SPMAP2L: variants seen among roughly 807,000 people sequenced by gnomAD.
The protein encoded by SPMAP2L is sperm microtubule associated protein 2 like.
the SPMAP2L span, among the ~76,000 whole-genome samples, chr4:56,614,928 C>A: frequency 0.023 from 3,493 of 152,224 alleles, 69 homozygotes; most frequent in East Asian, 0.085. Flanking sequence ...CCTTATCAGG[C>A]ATTTACACCT....
chr4:56,603,380 G>T, the SPMAP2L span: 1 of 1,246,966 alleles, frequency 8.0e-7, no homozygotes, highest in South Asian at 1.6e-5. Context: ...CATATTAGAT[G>T]ACTTAGTTCC....
the SPMAP2L span, among the ~76,000 whole-genome samples, chr4:56,601,831 A>G: frequency 4.5e-4 from 68 of 152,310 alleles, no homozygotes; most frequent in African/African-American, 1.6e-3. Context: ...GTATGGAATT[A>G]TTTATCTAAC....
chr4:56,623,901 G>A, the SPMAP2L span, among the ~76,000 whole-genome samples: 3 of 152,182 alleles, frequency 2.0e-5, no homozygotes, highest in Admixed American at 2.0e-4. Context: ...CCAGTAGAGT[G>A]GGGCACTGCT....
At chr4:56,544,809 AC>A in the SPMAP2L span, among the ~76,000 whole-genome samples, 1 of 152,126 alleles carries the variant, frequency 6.6e-6, no homozygotes, top group Non-Finnish European at 1.5e-5. Flanking sequence ...GCAGTTCCAG[AC>A]CCGCTTGTGG....
At chr4:56,594,314 A>T in the SPMAP2L span, 2 of 1,527,514 alleles carry the variant, frequency 1.3e-6, no homozygotes, top group Non-Finnish European at 1.8e-6. Flanking sequence ...TCACAGCATG[A>T]TTCCACTGGG....
At chr4:56,545,190 T>C in the SPMAP2L span, among the ~76,000 whole-genome samples, 1 of 152,224 alleles carries the variant, frequency 6.6e-6, no homozygotes, top group Non-Finnish European at 1.5e-5. Context: ...GGTGTCTTTC[T>C]TTCCCTGGTA....
chr4:56,530,691 G>C, the SPMAP2L span: 1 of 1,534,862 alleles, frequency 6.5e-7, no homozygotes, highest in East Asian at 2.4e-5. Flanking sequence ...AGAACCAAGA[G>C]TTTCTAAGTT....
At chr4:56,582,142 T>C in the SPMAP2L span, among the ~76,000 whole-genome samples, 1 of 152,158 alleles carries the variant, frequency 6.6e-6, no homozygotes, top group African/African-American at 2.4e-5. Flanking sequence ...TGGTGTCATA[T>C]CTTAGCTATG....
the SPMAP2L span, among the ~76,000 whole-genome samples, chr4:56,582,107 G>T: frequency 6.6e-6 from 1 of 152,060 alleles, no homozygotes; most frequent in Non-Finnish European, 1.5e-5. Flanking sequence ...CTTGAGATAG[G>T]CAATGGTTTC....
chr4:56,576,976 C>T, the SPMAP2L span, among the ~76,000 whole-genome samples: 1 of 152,138 alleles, frequency 6.6e-6, no homozygotes, highest in Non-Finnish European at 1.5e-5. Context: ...TTGGCTTAAG[C>T]TCTTTATTAT....
chr4:56,536,537 C>T, the SPMAP2L span, among the ~76,000 whole-genome samples: 9 of 152,262 alleles, frequency 5.9e-5, no homozygotes, highest in Non-Finnish European at 1.3e-4. Flanking sequence ...GTCTTTCATC[C>T]TTAGTGCCTC....
the SPMAP2L span, chr4:56,596,586 G>C: frequency 6.5e-7 from 1 of 1,533,440 alleles, no homozygotes; most frequent in Admixed American, 2.0e-5. Context: ...TCAAGTTAGA[G>C]GGTCTGTGCT....
chr4:56,596,474 A>C, the SPMAP2L span: 1 of 1,491,324 alleles, frequency 6.7e-7, no homozygotes, highest in East Asian at 2.5e-5. Context: ...GATGCTTATA[A>C]GTACTGTTTT....
chr4:56,559,177 T>C, the SPMAP2L span, among the ~76,000 whole-genome samples: 1 of 151,620 alleles, frequency 6.6e-6, no homozygotes, highest in African/African-American at 2.4e-5. Flanking sequence ...GGTGCGTGCC[T>C]GTAATCCCAG....
the SPMAP2L span, chr4:56,595,024 C>G: frequency 1.9e-6 from 3 of 1,602,786 alleles, no homozygotes; most frequent in Non-Finnish European, 2.6e-6. Flanking sequence ...TTCACTAAAG[C>G]GGAATGAGGA....
the SPMAP2L span, among the ~76,000 whole-genome samples, chr4:56,592,090 C>T: frequency 1.1e-4 from 17 of 152,202 alleles, 1 homozygote; most frequent in Non-Finnish European, 1.9e-4. Flanking sequence ...CTGAGTTCCA[C>T]CTCCCGTCAG....
chr4:56,558,212 C>T, the SPMAP2L span, among the ~76,000 whole-genome samples: 2 of 152,288 alleles, frequency 1.3e-5, no homozygotes, highest in East Asian at 3.9e-4. Flanking sequence ...AGGTGATCCA[C>T]CTGCCTTGGC....
the SPMAP2L span, among the ~76,000 whole-genome samples, chr4:56,546,218 T>A: frequency 1.3e-5 from 2 of 152,242 alleles, no homozygotes; most frequent in Non-Finnish European, 2.9e-5. Flanking sequence ...TTGTATTATT[T>A]AACTTTCCTC....
chr4:56,579,199 C>A, the SPMAP2L span, among the ~76,000 whole-genome samples: 1 of 151,978 alleles, frequency 6.6e-6, no homozygotes, highest in African/African-American at 2.4e-5. Context: ...TAGGATAGAT[C>A]ACATATTAAC....
Sources: allele counts gnomAD v4.1 joint callset (sites outside exome capture counted in the v4.1 genomes callset), GRCh38; gene constraint gnomAD v4.1.1; transcripts MANE v1.5; gene names NCBI Gene and HGNC (gene_info 2026-07-23, HGNC 2026-07-21).